The following CDKN2B-AS1 variants were observed in gnomAD, a reference collection of about 807,000 sequenced individuals.
CDKN2B-AS1 encodes CDKN2B and CDKN2A antisense cis and trans regulatory RNA 1, also known as CDKN2B antisense RNA 1 (non-protein coding).
intron 4 of CDKN2B-AS1, among the ~76,000 whole-genome samples, chr9:22,056,645 C>T (rs1016890726): frequency 6.6e-6 from 1 of 152,152 alleles, no homozygotes; most frequent in Admixed American, 6.5e-5. Context: ...TCTTTTCTGG[C>T]TTCTCTTCCT....
Position 22,093,087 on chromosome 9 carries a change from T to C in CDKN2B-AS1, n.439-34016T>C, listed in dbSNP as rs530480191. Among the ~76,000 whole-genome samples, 332 of 151,992 alleles carry C rather than the reference T, an allele frequency of 2.2e-3. 4 individuals carry two copies. The highest frequency in any genetic ancestry group is 7.8e-3 in the African/African-American group (325 of 41,430). ...TGCCTTCATTTTGTTATGTACCCAG[T>C]AGTCATTCAGGAGTGGGTAGTTCAG... On this transcript the variant is annotated intron_variant and non_coding_transcript_variant, in intron 4 of 4. Coordinates refer to ENST00000650946, the Ensembl canonical transcript of CDKN2B-AS1.
rs758215089 is a variant in CDKN2B-AS1 at position 22,006,122 on chromosome 9, G to C, written n.29+10961G>C. ...CGGCCCGGTGCAGCACCACCAGCGT[G>C]TCCAGGAAGCCCTCCCGGGCAGCAT... On this transcript the variant is annotated intron_variant and non_coding_transcript_variant, in intron 1 of 4. Coordinates refer to ENST00000650946, the Ensembl canonical transcript of CDKN2B-AS1. The surrounding 1 kb of genome is among the most constrained non-coding windows in gnomAD (Gnocchi z 6.4). 1.2e-6 allele frequency: 2 copies of C among 1,610,852 alleles called. No homozygotes were observed. Among genetic ancestry groups the C allele is most frequent in the Non-Finnish European group, 1.7e-6 (2 of 1,179,854 alleles).
At chr9:22,107,255 T>A (rs1460729287) in intron 4 of CDKN2B-AS1, among the ~76,000 whole-genome samples, 2 of 152,184 alleles carry the variant, frequency 1.3e-5, no homozygotes, top group African/African-American at 4.8e-5. Flanking sequence ...CATTACTGAT[T>A]GGGCGTGGAG....
intron 4 of CDKN2B-AS1, among the ~76,000 whole-genome samples, chr9:22,103,514 C>G (rs897615792): frequency 6.6e-6 from 1 of 152,142 alleles, no homozygotes; most frequent in African/African-American, 2.4e-5. Flanking sequence ...AGGCCCACAT[C>G]GTTCGAGAAT....
intron 1 of CDKN2B-AS1, among the ~76,000 whole-genome samples, chr9:22,007,638 T>G (rs1821258338): frequency 6.6e-6 from 1 of 152,198 alleles, no homozygotes; most frequent in African/African-American, 2.4e-5. Context: ...TTTTGTTGGC[T>G]TGTTTCATTA....
chr9:22,003,269 G>C (rs1055332501), intron 1 of CDKN2B-AS1: 4 of 215,796 alleles, frequency 1.9e-5, no homozygotes, highest in African/African-American at 6.8e-5. Flanking sequence ...TTTGAGGTTT[G>C]CTTTAAATAA....
At chr9:22,113,050 A>G (rs977023565) in intron 4 of CDKN2B-AS1, among the ~76,000 whole-genome samples, 5 of 152,178 alleles carry the variant, frequency 3.3e-5, no homozygotes, top group Admixed American at 3.3e-4. Flanking sequence ...TTGCATTATA[A>G]CAAGTCACCA....
chr9:22,112,420 C>A (rs1045883224), intron 4 of CDKN2B-AS1: 4 of 152,164 alleles, frequency 2.6e-5, no homozygotes, highest in African/African-American at 9.7e-5. Context: ...TATGGTTTTT[C>A]TGTTGAAAAG....
At chr9:22,095,225 G>T (rs1057381930) in intron 4 of CDKN2B-AS1, among the ~76,000 whole-genome samples, 5 of 144,964 alleles carry the variant, frequency 3.4e-5, no homozygotes, top group Admixed American at 3.3e-4. Flanking sequence ...TGCCCCTACT[G>T]GGGGGTGCCT....
intron 4 of CDKN2B-AS1, among the ~76,000 whole-genome samples, chr9:22,074,141 G>A (rs1196981652): frequency 6.6e-6 from 1 of 152,182 alleles, no homozygotes; most frequent in Non-Finnish European, 1.5e-5. Flanking sequence ...AGGATTACAG[G>A]TGTGAACCAC....
chr9:22,089,923 C>T (rs1198737130), intron 4 of CDKN2B-AS1, among the ~76,000 whole-genome samples: 1 of 151,882 alleles, frequency 6.6e-6, no homozygotes, highest in Non-Finnish European at 1.5e-5. Flanking sequence ...GTGTGCTGCA[C>T]CCAGTAACTC....
intron 4 of CDKN2B-AS1, among the ~76,000 whole-genome samples, chr9:22,103,905 T>C (rs374261872): frequency 6.6e-6 from 1 of 152,236 alleles, no homozygotes; most frequent in Non-Finnish European, 1.5e-5. Flanking sequence ...TGACGGTTAT[T>C]GCAACTCAGC....
At chr9:22,093,005 G>A (rs866091335) in intron 4 of CDKN2B-AS1, among the ~76,000 whole-genome samples, 19 of 152,284 alleles carry the variant, frequency 1.2e-4, no homozygotes, top group South Asian at 6.2e-4. Flanking sequence ...ATGTGTCCCA[G>A]AGATTCTGGT....
intron 3 of CDKN2B-AS1, among the ~76,000 whole-genome samples, chr9:22,050,054 C>T (rs1823280772): frequency 6.6e-6 from 1 of 152,142 alleles, no homozygotes; most frequent in Admixed American, 6.6e-5. Context: ...TTGTCCATAT[C>T]ACTTAACCAG....
chr9:21,998,501 T>C (rs751903251), intron 1 of CDKN2B-AS1, among the ~76,000 whole-genome samples: 18 of 152,206 alleles, frequency 1.2e-4, no homozygotes, highest in Non-Finnish European at 2.4e-4. Context: ...CCTTGTGCCT[T>C]TTCTGTTGTC....
chr9:22,099,686 G>T (rs1228639790), intron 4 of CDKN2B-AS1, among the ~76,000 whole-genome samples: 2 of 152,108 alleles, frequency 1.3e-5, no homozygotes, highest in Non-Finnish European at 2.9e-5. Flanking sequence ...AGATGGTGGG[G>T]TGGTAAAGAG....
rs77514383 is a variant in CDKN2B-AS1 at position 22,104,796 on chromosome 9, G to T, written n.439-22307G>T. On this transcript the variant is annotated intron_variant and non_coding_transcript_variant, in intron 4 of 4. Coordinates refer to ENST00000650946, the Ensembl canonical transcript of CDKN2B-AS1. ...GTTCTCAAATGACTGACAGTTTAGA[G>T]GAGAAAATGGAAGAATAAATAGACA... 4.1e-3 allele frequency among the ~76,000 whole-genome samples: 622 copies of T among 152,248 alleles called. 8 individuals carry two copies. The highest frequency in any genetic ancestry group is 0.014 in the African/African-American group (588 of 41,540).
intron 1 of CDKN2B-AS1, chr9:22,033,096 TTG>T (rs1275737727): frequency 6.6e-6 from 1 of 152,014 alleles, no homozygotes. Flanking sequence ...GGGATCTAGG[TTG>T]TGCGCCCTTT....
intron 4 of CDKN2B-AS1, among the ~76,000 whole-genome samples, chr9:22,085,720 CAAAAAAAA>C (rs5896963): frequency 1.7e-5 from 2 of 117,900 alleles, no homozygotes; most frequent in African/African-American, 3.0e-5. Flanking sequence ...GACTCCGTCT[CAAAAAAAA>C]AAAAAAAAAA....
Sources: gnomAD v4.1 joint callset for allele counts (sites outside exome capture counted in the v4.1 genomes callset) on GRCh38, gnomAD v4.1.1 for gene constraint, Gnocchi (gnomAD v3.1) non-coding constraint, MANE v1.5 for transcripts, NCBI Gene and HGNC (gene_info 2026-07-23, HGNC 2026-07-21) for gene names.